WWOX: variants seen among roughly 807,000 people sequenced by gnomAD.
WWOX encodes the protein WW domain containing oxidoreductase.
WWOX carries 69 observed loss-of-function variants against 46.2 expected under a neutral mutation model. That is an observed-to-expected ratio of 1.49 (90% confidence interval 1.23 to 1.82). WWOX has a LOEUF of 1.82. Among genes scored for constraint, WWOX ranks in the 40% most tolerant of loss-of-function variants. The pLI is 0.00. For missense variants in WWOX, 919 were observed against 542.6 expected (o/e 1.69, Z -6.89); for synonymous variants, 359 against 202.6 (o/e 1.77, Z -6.56).
At chr16:78,520,943 G>A (rs2043336219) in intron 8 of WWOX, among the ~76,000 whole-genome samples, 2 of 152,148 alleles carry the variant, frequency 1.3e-5, no homozygotes, top group African/African-American at 2.4e-5. Flanking sequence ...AGACAGTGGC[G>A]TGCTGGGGTC....
chr16:78,763,971 A>T (rs2049862274), intron 8 of WWOX, among the ~76,000 whole-genome samples: 1 of 152,152 alleles, frequency 6.6e-6, no homozygotes, highest in East Asian at 1.9e-4. Context: ...TCTGCCCCAC[A>T]TCTATTGTGG....
chr16:78,266,787 A>T, intron 5 of WWOX, among the ~76,000 whole-genome samples: 1 of 56,164 alleles, frequency 1.8e-5, no homozygotes, highest in East Asian at 1.3e-3. Flanking sequence ...CTATTCTTCT[A>T]TTCTCTCTCT....
intron 8 of WWOX, among the ~76,000 whole-genome samples, chr16:78,885,150 C>T (rs373979707): frequency 2.7e-5 from 4 of 150,526 alleles, no homozygotes; most frequent in African/African-American, 4.9e-5. Context: ...AGCCCTTCTA[C>T]GAGCTCCCTC....
At chr16:78,849,940 CA>C (rs1268287143) in intron 8 of WWOX, among the ~76,000 whole-genome samples, 2 of 152,010 alleles carry the variant, frequency 1.3e-5, no homozygotes, top group Admixed American at 1.3e-4. Context: ...GGTGTGATGG[CA>C]CAGGCCTGTA....
At chr16:78,984,540 C>T (rs2046747166) in intron 8 of WWOX, among the ~76,000 whole-genome samples, 1 of 152,168 alleles carries the variant, frequency 6.6e-6, no homozygotes, top group Non-Finnish European at 1.5e-5. Flanking sequence ...AGAATTAGCC[C>T]TGTGGGATGA....
At chr16:78,750,322 C>T (rs929413758) in intron 8 of WWOX, among the ~76,000 whole-genome samples, 1 of 151,980 alleles carries the variant, frequency 6.6e-6, no homozygotes, top group African/African-American at 2.4e-5. Flanking sequence ...GCTGTCTTGC[C>T]CCTCCTGTGG....
At chr16:78,684,742 C>T (rs1203223850) in intron 8 of WWOX, among the ~76,000 whole-genome samples, 1 of 152,150 alleles carries the variant, frequency 6.6e-6, no homozygotes, top group Admixed American at 6.5e-5. Flanking sequence ...TAGTGGGACG[C>T]ATCATACTGA....
intron 5 of WWOX, among the ~76,000 whole-genome samples, chr16:78,360,683 C>A (rs529083558): frequency 1.2e-3 from 52 of 44,540 alleles, no homozygotes; most frequent in African/African-American, 3.0e-3. Context: ...ATAATCAAAA[C>A]TAGAAAATAG....
chr16:79,095,813 G>C (rs540018942), intron 8 of WWOX, among the ~76,000 whole-genome samples: 1 of 150,804 alleles, frequency 6.6e-6, no homozygotes, highest in South Asian at 2.1e-4. Context: ...TACTCCTCCA[G>C]GTTGCCCTCG....
intron 8 of WWOX, among the ~76,000 whole-genome samples, chr16:78,441,014 C>G (rs1333714967): frequency 6.6e-6 from 1 of 152,152 alleles, no homozygotes; most frequent in Non-Finnish European, 1.5e-5. Context: ...GCAATCTTGG[C>G]TCACTGCAGC....
At chr16:78,555,816 G>A (rs1266941765) in intron 8 of WWOX, among the ~76,000 whole-genome samples, 1 of 152,064 alleles carries the variant, frequency 6.6e-6, no homozygotes, top group Admixed American at 6.5e-5. Context: ...ACTCTTCTGA[G>A]CCATGCCAAT....
chr16:78,193,288 T>C (rs2035938992), intron 5 of WWOX, among the ~76,000 whole-genome samples: 1 of 152,172 alleles, frequency 6.6e-6, no homozygotes, highest in Admixed American at 6.5e-5. Context: ...CCAAAGATGG[T>C]TTTCTTGATA....
intron 4 of WWOX, among the ~76,000 whole-genome samples, chr16:78,160,191 C>CT (rs1260694172): frequency 3.3e-5 from 5 of 150,542 alleles, no homozygotes; most frequent in Admixed American, 6.6e-5. Context: ...TTCTTTCTTT[C>CT]TTTTTTTTTG....
chr16:78,472,998 G>C (rs1412901079), intron 8 of WWOX, among the ~76,000 whole-genome samples: 1 of 152,092 alleles, frequency 6.6e-6, no homozygotes, highest in African/African-American at 2.4e-5. Context: ...GCCGCCTGCA[G>C]GAGAACATTT....
intron 1 of WWOX, 69 bp downstream of exon 1, chr16:78,099,954 G>A: frequency 6.5e-7 from 1 of 1,530,172 alleles, no homozygotes; most frequent in Non-Finnish European, 8.8e-7. Context: ...CCACCTGCGC[G>A]GGGAGGACGC....
chr16:78,406,299 T>TACAA (rs2082532315), intron 6 of WWOX, among the ~76,000 whole-genome samples: 3 of 78,184 alleles, frequency 3.8e-5, no homozygotes, highest in African/African-American at 1.3e-4. Context: ...AGCATATAAA[T>TACAA]ATAAATATAT....
At chr16:78,460,065 C>T (rs1279340052) in intron 8 of WWOX, among the ~76,000 whole-genome samples, 1 of 151,996 alleles carries the variant, frequency 6.6e-6, no homozygotes, top group Non-Finnish European at 1.5e-5. Flanking sequence ...CCTCGGCCTC[C>T]CAAAGTGCTG....
At chr16:78,859,023 AAAAAATATATATATATATATATATATGT>A (rs1248108781) in intron 8 of WWOX, among the ~76,000 whole-genome samples, 27 of 33,268 alleles carry the variant, frequency 8.1e-4, no homozygotes, top group African/African-American at 4.3e-3. Flanking sequence ...AAAAAAAAAA[AAAAAATATATATATATATATATATATGT>A]ATATATATAT....
chr16:79,138,316 C>T (rs567729635), intron 8 of WWOX, among the ~76,000 whole-genome samples: 11 of 152,214 alleles, frequency 7.2e-5, no homozygotes, highest in East Asian at 1.9e-4. Flanking sequence ...GAGAGGATGG[C>T]GGTGGTCCAC....
Sources: allele counts gnomAD v4.1 joint callset (sites outside exome capture counted in the v4.1 genomes callset), GRCh38; gene constraint gnomAD v4.1.1; transcripts MANE v1.5; gene names NCBI Gene and HGNC (gene_info 2026-07-23, HGNC 2026-07-21).